The following KHDRBS3 variants were observed in gnomAD, a reference collection of about 807,000 sequenced individuals.
KHDRBS3 encodes the protein KH RNA binding domain containing, signal transduction associated 3.
Under a neutral mutation model 45.6 loss-of-function variants are expected in KHDRBS3, and 23 were observed. The observed-to-expected ratio is 0.50, with a 90% CI of 0.36 to 0.72. The LOEUF (loss-of-function observed/expected upper bound fraction) is 0.72, where lower values mean the gene tolerates loss of function less well. KHDRBS3 is among the 30% of genes least tolerant of loss of function. KHDRBS3 has a pLI of 0.00. For missense variants in KHDRBS3, 352 were observed against 424.8 expected (o/e 0.83, Z 1.51); for synonymous variants, 162 against 156.5 (o/e 1.04, Z -0.26).
intron 1 of KHDRBS3, among the ~76,000 whole-genome samples, chr8:135,465,750 CA>C (rs1370188683): frequency 6.6e-6 from 1 of 152,104 alleles, no homozygotes; most frequent in Non-Finnish European, 1.5e-5. Context: ...TTTACATTTC[CA>C]TAATTTTTCG....
At chr8:135,635,477 A>G (rs6983773) in intron 7 of KHDRBS3, among the ~76,000 whole-genome samples, 131,170 of 152,148 alleles carry the variant, frequency 0.86, 56,666 homozygotes, top group East Asian at 1. Context: ...TCTGCTTCCC[A>G]GGTTCAAGCG....
chr8:135,512,494 GA>G (rs1333689982), intron 1 of KHDRBS3, among the ~76,000 whole-genome samples: 4 of 151,076 alleles, frequency 2.6e-5, no homozygotes, highest in African/African-American at 9.8e-5. Context: ...TGTGCAGGCT[GA>G]TTTGAATTAT....
chr8:135,509,473 C>A (rs1448926653), intron 1 of KHDRBS3, among the ~76,000 whole-genome samples: 1 of 152,134 alleles, frequency 6.6e-6, no homozygotes, highest in Non-Finnish European at 1.5e-5. Context: ...TTGTTAGATT[C>A]CTTCTACCAG....
At chr8:135,547,136 G>A (rs961629547) in intron 3 of KHDRBS3, among the ~76,000 whole-genome samples, 2 of 152,124 alleles carry the variant, frequency 1.3e-5, no homozygotes, top group Admixed American at 6.5e-5. Context: ...GAAATGTTCT[G>A]ATTAGAACAA....
At chr8:135,521,081 T>A (rs1171952633) in intron 1 of KHDRBS3, among the ~76,000 whole-genome samples, 156 bp from the exon 2 acceptor site, 1 of 152,204 alleles carries the variant, frequency 6.6e-6, no homozygotes, top group Non-Finnish European at 1.5e-5. Context: ...TGAAGAATCA[T>A]TGATGAAACC....
intron 6 of KHDRBS3, among the ~76,000 whole-genome samples, chr8:135,606,254 G>A (rs963509910): frequency 5.3e-5 from 8 of 151,698 alleles, no homozygotes; most frequent in Non-Finnish European, 8.8e-5. Context: ...GCATGGTCCC[G>A]GCCTTCTAGA....
At chr8:135,586,030 G>A (rs759287370) in intron 6 of KHDRBS3, among the ~76,000 whole-genome samples, 1 of 152,136 alleles carries the variant, frequency 6.6e-6, no homozygotes, top group Non-Finnish European at 1.5e-5. Flanking sequence ...GATTAATTTT[G>A]TTAGCTCCTG....
At chr8:135,532,900 C>T (rs926436164) in intron 2 of KHDRBS3, among the ~76,000 whole-genome samples, 1 of 151,962 alleles carries the variant, frequency 6.6e-6, no homozygotes, top group Non-Finnish European at 1.5e-5. Context: ...GTGCAGGTCT[C>T]ACAAAGGTAT....
In KHDRBS3 at chr8:135,516,676, A is replaced by G. The variant is rs371900078; in HGVS notation, c.89-4561A>G. ...TCATTTTGTGCAGTAGCCACATGCT[A>G]TTTTATTCCAGGGTGTGCTCTAGCC... On this transcript the variant is annotated intron_variant, in intron 1 of 8. Transcript: ENST00000355849. 7.9e-5 allele frequency among the ~76,000 whole-genome samples: 12 copies of G among 151,710 alleles called. No homozygotes were observed. The East Asian group carries it at 1.9e-3, about 25-fold the overall frequency.
chr8:135,566,350 A>T (rs985077813), intron 5 of KHDRBS3, among the ~76,000 whole-genome samples: 2 of 152,214 alleles, frequency 1.3e-5, no homozygotes, highest in Non-Finnish European at 2.9e-5. Flanking sequence ...GAAGTTCTTC[A>T]CATTAGAGGA....
intron 5 of KHDRBS3, among the ~76,000 whole-genome samples, chr8:135,560,749 T>C (rs532073527): frequency 6.9e-4 from 105 of 152,216 alleles, no homozygotes; most frequent in Non-Finnish European, 1.2e-3. Flanking sequence ...GTCTTGATGG[T>C]TAATATTCTG....
chr8:135,622,653 C>T (rs1490335223), intron 7 of KHDRBS3, among the ~76,000 whole-genome samples: 3 of 152,082 alleles, frequency 2.0e-5, no homozygotes, highest in South Asian at 4.2e-4. Context: ...GTTAGTATAC[C>T]AGATGGAAGG....
At position 135,481,236 on chromosome 8, in the gene KHDRBS3, A is replaced by G. The variant is rs200217100; in HGVS notation, c.88+23282A>G. Among the ~76,000 whole-genome samples the G allele has an allele frequency of 7.2e-3, 933 of 128,998 alleles. 18 individuals are homozygous for G. The highest frequency in any genetic ancestry group is 0.023 in the Middle Eastern group (6 of 262). 84.6% of individuals were successfully genotyped at this position (128,998 alleles called of 152,430 possible). On this transcript the variant is annotated intron_variant, in intron 1 of 8. Transcript: ENST00000355849. ...CATGAAAGCCACGATATATATATAT[A>G]TATATATATATATATTTAATGTAAG...
intron 7 of KHDRBS3, among the ~76,000 whole-genome samples, chr8:135,628,503 G>A (rs1830465642): frequency 6.6e-6 from 1 of 152,138 alleles, no homozygotes; most frequent in Non-Finnish European, 1.5e-5. Flanking sequence ...GAGCTTTATT[G>A]CAACTTTATT....
At chr8:135,639,925 AG>A (rs1401846609) in intron 7 of KHDRBS3, among the ~76,000 whole-genome samples, 4 of 152,200 alleles carry the variant, frequency 2.6e-5, no homozygotes, top group Admixed American at 2.0e-4. Flanking sequence ...TGAGATTTGT[AG>A]GGGGACAGAC....
At chr8:135,643,803 G>A (rs376044316) in intron 7 of KHDRBS3, among the ~76,000 whole-genome samples, 23 of 152,342 alleles carry the variant, frequency 1.5e-4, no homozygotes, top group South Asian at 6.2e-4. Context: ...CTTCTGGTCT[G>A]CAGTATCCTT....
At position 135,653,898 on chromosome 8, in the gene KHDRBS3, G is replaced by A. The variant is rs143988579; in HGVS notation, c.*118-2328G>A. Among the ~76,000 whole-genome samples, 155 of 152,202 alleles carry A rather than the reference G, an allele frequency of 1.0e-3. 1 individual carries two copies. The highest frequency in any genetic ancestry group is 4.6e-3 in the South Asian group (22 of 4,826). ...TTAGATTTTTTTCAATGATAAATGCGAAGTTGGAAAACCAAAATATGCCCT... is the reference window on the plus strand; with the variant it reads ...TTAGATTTTTTTCAATGATAAATGCAAAGTTGGAAAACCAAAATATGCCCT... On this transcript the variant is annotated intron_variant and NMD_transcript_variant, in intron 4 of 4. Transcript: ENST00000521461.
At chr8:135,639,578 C>A (rs555715560) in intron 7 of KHDRBS3, among the ~76,000 whole-genome samples, 1 of 152,268 alleles carries the variant, frequency 6.6e-6, no homozygotes, top group East Asian at 1.9e-4. Flanking sequence ...ACTCTCCTTT[C>A]CTCTAGGCCC....
chr8:135,579,767 G>A (rs1459877444), intron 5 of KHDRBS3, among the ~76,000 whole-genome samples: 1 of 152,106 alleles, frequency 6.6e-6, no homozygotes, highest in Non-Finnish European at 1.5e-5. Context: ...TGATGTGGTG[G>A]GTTACATTGA....
Sources: gnomAD v4.1 joint callset for allele counts (sites outside exome capture counted in the v4.1 genomes callset) on GRCh38, gnomAD v4.1.1 for gene constraint, MANE v1.5 for transcripts, NCBI Gene and HGNC (gene_info 2026-07-23, HGNC 2026-07-21) for gene names.